Variants in CUBN observed in about 807,000 individuals in gnomAD.
CUBN encodes the protein cubilin, also known as 460 kDa receptor.
CUBN carries 282 observed loss-of-function variants against 405.3 expected under a neutral mutation model. That is an observed-to-expected ratio of 0.70 (90% CI 0.63 to 0.77). The LOEUF is 0.77. CUBN is among the 30% of genes least tolerant of loss of function. CUBN has a pLI of 0.00. For missense variants in CUBN, 4,514 were observed against 4,475.2 expected (o/e 1.01, Z -0.25); for synonymous variants, 1,684 against 1,617.0 (o/e 1.04, Z -0.99).
At chr10:16,972,851 G>C (rs140764469) in intron 31 of CUBN, among the ~76,000 whole-genome samples, 4 of 151,350 alleles carry the variant, frequency 2.6e-5, no homozygotes, top group East Asian at 3.9e-4. Context: ...GTGTCCCTGC[G>C]CTCTCCATGT....
At position 16,877,084 on chromosome 10, in the gene CUBN, C is replaced by T; in HGVS notation, c.8919G>A (p.Val2973=). 2 of 1,613,596 alleles carry T rather than the reference C, an allele frequency of 1.2e-6. No homozygotes were observed. The highest frequency in any genetic ancestry group is 1.7e-6 in the Non-Finnish European group (2 of 1,179,792). ...CGCCATCGTTGACACAGCTTCCCGT[C>T]ACAGCGGAACGAGCTGGAAAAGGCA... is the stretch of plus-strand genomic sequence containing the variant. The part of the protein sequence containing the change: ...VSFHLEARSA[V]TGSCVNDGVH... The change falls in exon 57 of 67, where the codon GTG becomes GTA. Residue 2973 remains valine, a synonymous_variant. Transcript: ENST00000377833.
chr10:16,980,195 G>A (rs1007608321), intron 31 of CUBN, among the ~76,000 whole-genome samples: 4 of 152,232 alleles, frequency 2.6e-5, no homozygotes, highest in African/African-American at 9.6e-5. Flanking sequence ...GGAAACAACA[G>A]ATGCTGGCAA....
intron 28 of CUBN, among the ~76,000 whole-genome samples, chr10:17,013,564 G>A (rs1481986300): frequency 1.3e-5 from 2 of 152,056 alleles, no homozygotes; most frequent in Admixed American, 1.3e-4. Flanking sequence ...CTTGGGTTTT[G>A]GCACTGAGTG....
At chr10:17,087,480 T>C (rs889190547) in intron 15 of CUBN, among the ~76,000 whole-genome samples, 3 of 124,314 alleles carry the variant, frequency 2.4e-5, no homozygotes, top group South Asian at 6.0e-4. Flanking sequence ...TTCTTTTTTT[T>C]TTTTTTTTTT....
chr10:16,884,636 T>G (rs549003589), intron 56 of CUBN, among the ~76,000 whole-genome samples: 90 of 152,304 alleles, frequency 5.9e-4, no homozygotes, highest in African/African-American at 2.1e-3. Context: ...TACTTTGTGG[T>G]AAGCGGAAAG....
At chr10:17,117,805 G>A (rs1319508605) in intron 6 of CUBN, among the ~76,000 whole-genome samples, 1 of 151,990 alleles carries the variant, frequency 6.6e-6, no homozygotes. Context: ...GAAACCCCTG[G>A]GATAAGATTG....
intron 14 of CUBN, among the ~76,000 whole-genome samples, chr10:17,090,979 G>A (rs944966009): frequency 6.6e-6 from 1 of 152,046 alleles, no homozygotes; most frequent in Admixed American, 6.5e-5. Flanking sequence ...GACACACCCA[G>A]TACCAATAGC....
At chr10:17,001,128 TCTTCCC>T (rs1833866505) in intron 28 of CUBN, among the ~76,000 whole-genome samples, 1 of 152,184 alleles carries the variant, frequency 6.6e-6, no homozygotes, top group Non-Finnish European at 1.5e-5. Flanking sequence ...AGTTGTTCAT[TCTTCCC>T]GGTGGGTTTC....
intron 13 of CUBN, among the ~76,000 whole-genome samples, chr10:17,101,792 C>T (rs45460692): frequency 8.3e-4 from 126 of 152,210 alleles, no homozygotes; most frequent in Middle Eastern, 3.4e-3. Context: ...ATGCCACTTT[C>T]GAACCACATG....
At chr10:16,933,041 A>G (rs1842403680) in intron 40 of CUBN, 46 bp downstream of exon 40, 3 of 1,581,664 alleles carry the variant, frequency 1.9e-6, no homozygotes. Flanking sequence ...ACTAGAACTA[A>G]TTATGTGTCA....
intron 6 of CUBN, among the ~76,000 whole-genome samples, chr10:17,119,949 T>A (rs1032089494): frequency 3.9e-5 from 6 of 152,222 alleles, no homozygotes; most frequent in African/African-American, 1.2e-4. Context: ...GTCTTTACAA[T>A]GGCAAATTAT....
rs543012326 is a variant in CUBN, at chr10:16,995,773, T to C, written c.4169-5258A>G. On this transcript the variant is annotated intron_variant, in intron 28 of 66. Coordinates refer to ENST00000377833, the MANE Select transcript of CUBN (RefSeq NM_001081.4). Reference sequence around the variant, plus strand: ...TTTTCATTAAGGTGCACAAAAATTTTTTAAAAGACAATCCATATTTTTATG... The same window carrying C: ...TTTTCATTAAGGTGCACAAAAATTTCTTAAAAGACAATCCATATTTTTATG... Among the ~76,000 whole-genome samples, 6 of 152,362 alleles carry C rather than the reference T, an allele frequency of 3.9e-5. No homozygotes were observed. The East Asian group carries it at 5.8e-4, about 15-fold the overall frequency.
chr10:17,099,928 C>T (rs1203401138), intron 14 of CUBN, 77 bp downstream of exon 14: 11 of 866,296 alleles, frequency 1.3e-5, no homozygotes, highest in African/African-American at 8.3e-5. Flanking sequence ...TCTCATGTAT[C>T]CAAAAGTCTA....
chr10:16,836,132 A>C, intron 63 of CUBN, 103 bp downstream of exon 63: 2 of 1,182,928 alleles, frequency 1.7e-6, no homozygotes, highest in Non-Finnish European at 2.5e-6. Context: ...AACAAATCCT[A>C]ATTTACTCAC....
intron 54 of CUBN, among the ~76,000 whole-genome samples, chr10:16,892,867 G>A (rs1347495773): frequency 6.6e-6 from 1 of 152,132 alleles, no homozygotes; most frequent in East Asian, 1.9e-4. Context: ...AGAGCCTCAA[G>A]TTCTTTAATG....
chr10:17,102,711 A>G (rs7916540), intron 13 of CUBN, among the ~76,000 whole-genome samples: 2,545 of 147,880 alleles, frequency 0.017, 81 homozygotes, highest in African/African-American at 0.06. Context: ...GATTCAAGCA[A>G]TTCTCCTGCC....
Position 17,110,961 on chromosome 10 carries a change from C to A in CUBN, c.973G>T (p.Val325Leu). ...GCSVAPPVEC[V>L]NTPGSSHCQA... ...CAGTGGGAAGACCCAGGTGTATTCA[C>A]ACACTCAACGGGTGGAGCCACAGAA... is the stretch of plus-strand genomic sequence containing the variant. The change falls in exon 9 of 67, where the codon GTG becomes TTG. Residue 325 changes from valine to leucine, a missense_variant. This residue lies in a region of CUBN where 1,448 missense variants were observed against 1,388.0 expected (regional missense o/e 1.04). Coordinates refer to ENST00000377833, the MANE Select transcript of CUBN (RefSeq NM_001081.4). The A allele has an allele frequency of 1.9e-6, 3 of 1,614,226 alleles. No individual in the cohort carries two copies. The highest frequency in any genetic ancestry group is 2.5e-6 in the Non-Finnish European group (3 of 1,180,040).
At chr10:17,080,538 G>A (rs550417250) in intron 17 of CUBN, among the ~76,000 whole-genome samples, 53 of 152,244 alleles carry the variant, frequency 3.5e-4, no homozygotes, top group African/African-American at 1.2e-3. Flanking sequence ...CTCTCCCTGC[G>A]TCTCTTGTAG....
At chr10:16,889,942 A>AAAAAAAACAAACAAACAAACAAAC (rs1840947105) in intron 55 of CUBN, among the ~76,000 whole-genome samples, 3 of 136,222 alleles carry the variant, frequency 2.2e-5, no homozygotes, top group African/African-American at 8.8e-5. Context: ...TGTCAAAAAA[A>AAAAAAAACAAACAAACAAACAAAC]AAAAAAAAAA....
Sources: allele counts gnomAD v4.1 joint callset (sites outside exome capture counted in the v4.1 genomes callset), GRCh38; gene constraint gnomAD v4.1.1; regional missense constraint gnomAD v4.1.1; transcripts MANE v1.5; gene names NCBI Gene and HGNC (gene_info 2026-07-23, HGNC 2026-07-21).